FSTL5: variants seen among roughly 807,000 people sequenced by gnomAD.
FSTL5 encodes follistatin-related protein 5.
In FSTL5, 62 loss-of-function variants were observed where a neutral mutation model predicts 89.1. That is an observed-to-expected ratio of 0.70 (90% CI 0.57 to 0.86). The LOEUF (loss-of-function observed/expected upper bound fraction) is 0.86, where lower values mean the gene tolerates loss of function less well. Among genes scored for constraint, FSTL5 ranks in the 40% least tolerant of loss-of-function variants. FSTL5 has a pLI of 0.00. For missense variants in FSTL5, 1,057 were observed against 1,001.6 expected, an observed-to-expected ratio of 1.06 and a Z score of -0.75; for synonymous variants, 383 against 346.2, an observed-to-expected ratio of 1.11 and a Z score of -1.18.
chr4:161,420,513 A>C (rs1201322017), intron 15 of FSTL5, among the ~76,000 whole-genome samples: 1 of 152,052 alleles, frequency 6.6e-6, no homozygotes, highest in African/African-American at 2.4e-5. Flanking sequence ...TATTGACTTT[A>C]TTATAATATT....
intron 2 of FSTL5, among the ~76,000 whole-genome samples, chr4:162,071,982 G>C (rs910585010): frequency 1.3e-5 from 2 of 151,550 alleles, no homozygotes; most frequent in Non-Finnish European, 3.0e-5. Flanking sequence ...GTGCTAATTG[G>C]CATCAGTTAT....
chr4:161,393,915 A>T (rs1730911240), intron 15 of FSTL5, among the ~76,000 whole-genome samples: 1 of 152,148 alleles, frequency 6.6e-6, no homozygotes, highest in African/African-American at 2.4e-5. Context: ...CAAACCAACA[A>T]GAAACCATAT....
At chr4:161,557,162 C>A (rs1732423328) in intron 8 of FSTL5, among the ~76,000 whole-genome samples, 1 of 151,146 alleles carries the variant, frequency 6.6e-6, no homozygotes, top group Non-Finnish European at 1.5e-5. Flanking sequence ...ATACTTTAAC[C>A]AACAACTTTC....
intron 15 of FSTL5, among the ~76,000 whole-genome samples, chr4:161,394,811 G>A (rs957953350): frequency 6.6e-6 from 1 of 152,118 alleles, no homozygotes; most frequent in African/African-American, 2.4e-5. Context: ...CATGTTTTGG[G>A]ATATGTGCAA....
At chr4:161,424,546 G>A (rs1246847039) in intron 15 of FSTL5, among the ~76,000 whole-genome samples, 1 of 149,356 alleles carries the variant, frequency 6.7e-6, no homozygotes, top group Admixed American at 6.7e-5. Flanking sequence ...AAAAAAAATG[G>A]TTTTCTTTTG....
chr4:161,680,220 T>G (rs1737469505), intron 6 of FSTL5, among the ~76,000 whole-genome samples: 1 of 151,892 alleles, frequency 6.6e-6, no homozygotes, highest in African/African-American at 2.4e-5. Context: ...TAAATTGAAA[T>G]TATTTTACTT....
intron 2 of FSTL5, among the ~76,000 whole-genome samples, chr4:162,107,268 C>T: frequency 6.6e-6 from 1 of 152,172 alleles, no homozygotes; most frequent in East Asian, 1.9e-4. Context: ...TATCTATGAA[C>T]TCCAGTTTCC....
At chr4:161,792,756 T>C (rs1729518508) in intron 4 of FSTL5, among the ~76,000 whole-genome samples, 1 of 152,206 alleles carries the variant, frequency 6.6e-6, no homozygotes, top group African/African-American at 2.4e-5. Context: ...ATTCTGCTGC[T>C]GCTCAGTGAA....
At chr4:161,961,270 C>T (rs1247436428) in intron 3 of FSTL5, among the ~76,000 whole-genome samples, 2 of 151,832 alleles carry the variant, frequency 1.3e-5, no homozygotes, top group Non-Finnish European at 2.9e-5. Flanking sequence ...CTGCACCTTG[C>T]TAAGTTTTGT....
At chr4:161,675,719 T>C (rs1368193682) in intron 6 of FSTL5, among the ~76,000 whole-genome samples, 1 of 151,964 alleles carries the variant, frequency 6.6e-6, no homozygotes, top group Non-Finnish European at 1.5e-5. Flanking sequence ...ACTTCTGTAA[T>C]GTGCTTTAAA....
At chr4:161,948,333 G>A (rs1734793987) in intron 3 of FSTL5, among the ~76,000 whole-genome samples, 2 of 150,064 alleles carry the variant, frequency 1.3e-5, no homozygotes, top group South Asian at 2.1e-4. Flanking sequence ...GATGAATCCT[G>A]GCTCTGTACA....
intron 1 of FSTL5, among the ~76,000 whole-genome samples, chr4:162,145,005 A>G (rs1732916816): frequency 6.7e-6 from 1 of 148,202 alleles, no homozygotes; most frequent in African/African-American, 2.6e-5. Context: ...ATGTATATTC[A>G]TATACAATGA....
intron 1 of FSTL5, among the ~76,000 whole-genome samples, chr4:162,138,330 A>G (rs994497601): frequency 2.6e-5 from 4 of 151,126 alleles, no homozygotes; most frequent in Middle Eastern, 3.4e-3. Flanking sequence ...TTTGATTGGT[A>G]GTTATTGTAA....
chr4:162,074,736 T>TA (rs1729767189), intron 2 of FSTL5, among the ~76,000 whole-genome samples: 1 of 151,784 alleles, frequency 6.6e-6, no homozygotes. Flanking sequence ...CTAATTAACA[T>TA]ACGCATTACC....
intron 15 of FSTL5, among the ~76,000 whole-genome samples, chr4:161,419,197 T>C (rs1471719575): frequency 2.0e-5 from 3 of 152,194 alleles, no homozygotes; most frequent in Non-Finnish European, 4.4e-5. Flanking sequence ...AGCCATAGTC[T>C]CTCTTCTGGC....
chr4:161,878,942 G>T (rs1401820038), intron 4 of FSTL5, among the ~76,000 whole-genome samples: 1 of 152,016 alleles, frequency 6.6e-6, no homozygotes, highest in Non-Finnish European at 1.5e-5. Flanking sequence ...CTATATTCTG[G>T]TGATTCTCAA....
intron 4 of FSTL5, among the ~76,000 whole-genome samples, chr4:161,918,631 A>G (rs114036259): frequency 0.01 from 1,563 of 151,766 alleles, 35 homozygotes; most frequent in African/African-American, 0.036. Context: ...TTTTCCCACG[A>G]TATTTATTTA....
chr4:161,476,956 A>G (rs1382771263), intron 13 of FSTL5, among the ~76,000 whole-genome samples: 1 of 152,168 alleles, frequency 6.6e-6, no homozygotes, highest in Non-Finnish European at 1.5e-5. Context: ...TGTTTTTGAC[A>G]GTTAATATTT....
chr4:161,534,147 G>A (rs890120031), intron 10 of FSTL5, among the ~76,000 whole-genome samples: 1 of 152,050 alleles, frequency 6.6e-6, no homozygotes, highest in Non-Finnish European at 1.5e-5. Context: ...AAAGCTGGAA[G>A]TATTTCTCTT....
Sources: allele counts gnomAD v4.1 joint callset (sites outside exome capture counted in the v4.1 genomes callset), GRCh38; gene constraint gnomAD v4.1.1; transcripts MANE v1.5; gene names NCBI Gene and HGNC (gene_info 2026-07-23, HGNC 2026-07-21).